KAZN: variants seen among roughly 807,000 people sequenced by gnomAD.
KAZN encodes kazrin.
A neutral mutation model predicts 87.4 loss-of-function variants in KAZN; 40 were observed. That is an observed-to-expected ratio of 0.46 (90% confidence interval 0.36 to 0.60). The LOEUF (loss-of-function observed/expected upper bound fraction) is 0.60, where lower values mean the gene tolerates loss of function less well. KAZN is among the 20% of genes least tolerant of loss of function. KAZN has a pLI of 0.00. For missense variants in KAZN, 898 were observed against 1,073.9 expected (o/e 0.84, Z 2.29); for synonymous variants, 466 against 458.3 (o/e 1.02, Z -0.22).
chr1:14,748,396 G>A (rs1057475167), intron 1 of KAZN, among the ~76,000 whole-genome samples: 5 of 152,104 alleles, frequency 3.3e-5, no homozygotes, highest in Non-Finnish European at 5.9e-5. Context: ...TCATGACCTG[G>A]GTTAAGCCAC....
intron 2 of KAZN, among the ~76,000 whole-genome samples, chr1:15,017,161 G>C (rs529576303): frequency 2.0e-5 from 3 of 151,958 alleles, no homozygotes; most frequent in East Asian, 3.9e-4. Flanking sequence ...AGCCAGGCTT[G>C]GTGGCTCGCA....
chr1:14,754,443 G>A (rs1161304629), intron 1 of KAZN, among the ~76,000 whole-genome samples: 1 of 151,986 alleles, frequency 6.6e-6, no homozygotes, highest in Non-Finnish European at 1.5e-5. Flanking sequence ...GACCAGCCTG[G>A]CCAACATGAA....
At chr1:14,875,464 G>T (rs183652135) in intron 1 of KAZN, among the ~76,000 whole-genome samples, 1 of 145,192 alleles carries the variant, frequency 6.9e-6, no homozygotes, top group Non-Finnish European at 1.5e-5. Flanking sequence ...TCCCTGCCTT[G>T]CATTGTCCTT....
At chr1:14,263,504 T>A (rs1651239709) in intron 2 of KAZN, among the ~76,000 whole-genome samples, 1 of 152,202 alleles carries the variant, frequency 6.6e-6, no homozygotes, top group Non-Finnish European at 1.5e-5. Context: ...CTAATATGAC[T>A]CTGGCAACCC....
intron 1 of KAZN, among the ~76,000 whole-genome samples, chr1:14,027,486 C>A (rs992356610): frequency 4.0e-5 from 6 of 151,838 alleles, no homozygotes; most frequent in African/African-American, 1.5e-4. Context: ...CCGGCTTCTG[C>A]CCCCCCGCCA....
intron 3 of KAZN, among the ~76,000 whole-genome samples, chr1:15,041,743 C>A (rs1293130408): frequency 6.6e-6 from 1 of 152,060 alleles, no homozygotes. Context: ...CCAAATCCCA[C>A]CCTCAGAAAT....
chr1:14,990,703 G>A (rs1667265699), intron 2 of KAZN, among the ~76,000 whole-genome samples: 1 of 151,456 alleles, frequency 6.6e-6, no homozygotes, highest in African/African-American at 2.4e-5. Context: ...CCCTGCTCTG[G>A]AGCACGCCAG....
intron 1 of KAZN, among the ~76,000 whole-genome samples, chr1:14,872,240 T>A (rs1015907106): frequency 6.6e-6 from 1 of 152,202 alleles, no homozygotes; most frequent in Admixed American, 6.5e-5. Context: ...TGGGATATAA[T>A]AAACTACTAC....
intron 2 of KAZN, among the ~76,000 whole-genome samples, chr1:14,536,128 C>T (rs1018849668): frequency 5.3e-5 from 8 of 152,164 alleles, no homozygotes; most frequent in African/African-American, 1.4e-4. Context: ...CAACCCAATC[C>T]GGGCATGAGT....
At chr1:14,912,057 C>T (rs2101397118) in intron 1 of KAZN, among the ~76,000 whole-genome samples, 1 of 143,704 alleles carries the variant, frequency 7.0e-6, no homozygotes, top group African/African-American at 2.6e-5. Flanking sequence ...GAGGCTGAGG[C>T]AGGAGAATCA....
intron 1 of KAZN, among the ~76,000 whole-genome samples, chr1:14,156,913 T>TCTTTTTTTTTTTTTC (rs59467186): frequency 7.0e-6 from 1 of 143,122 alleles, no homozygotes; most frequent in African/African-American, 2.5e-5. Flanking sequence ...GTCTTTTGTT[T>TCTTTTTTTTTTTTTC]TTTTTTTTTT....
At chr1:14,604,300 A>G (rs1445759343) in intron 1 of KAZN, among the ~76,000 whole-genome samples, 2 of 152,192 alleles carry the variant, frequency 1.3e-5, no homozygotes, top group Non-Finnish European at 2.9e-5. Context: ...TCCCGAAGCC[A>G]ACAGGGTGGC....
intron 2 of KAZN, among the ~76,000 whole-genome samples, chr1:14,253,869 C>A (rs1343679825): frequency 1.3e-5 from 2 of 148,820 alleles, no homozygotes; most frequent in Admixed American, 1.4e-4. Flanking sequence ...TGAGCTCCTG[C>A]AGTCATTATC....
At chr1:14,343,155 C>T (rs1296132173) in intron 2 of KAZN, among the ~76,000 whole-genome samples, 1 of 152,030 alleles carries the variant, frequency 6.6e-6, no homozygotes, top group African/African-American at 2.4e-5. Flanking sequence ...TCAAAACAAA[C>T]AAACAAACAA....
intron 1 of KAZN, among the ~76,000 whole-genome samples, chr1:14,864,816 T>C (rs1165344919): frequency 6.6e-6 from 1 of 151,952 alleles, no homozygotes; most frequent in Non-Finnish European, 1.5e-5. Flanking sequence ...GGCTATCACT[T>C]CCCCTCTCAG....
At chr1:14,928,384 G>A (rs1659407484) in intron 1 of KAZN, among the ~76,000 whole-genome samples, 1 of 151,690 alleles carries the variant, frequency 6.6e-6, no homozygotes, top group Non-Finnish European at 1.5e-5. Flanking sequence ...GGGAGGCGGA[G>A]CTTGCAGTGA....
intron 2 of KAZN, among the ~76,000 whole-genome samples, chr1:14,403,083 C>T (rs1173942600): frequency 6.6e-6 from 1 of 152,174 alleles, no homozygotes; most frequent in Non-Finnish European, 1.5e-5. Context: ...CCCTTGGCCT[C>T]CCAAAGTGCT....
At chr1:14,422,708 C>T (rs1410993633) in intron 2 of KAZN, among the ~76,000 whole-genome samples, 3 of 152,216 alleles carry the variant, frequency 2.0e-5, no homozygotes, top group East Asian at 1.9e-4. Context: ...TAGAAAGGCT[C>T]ATCCCTGGTA....
At chr1:14,052,130 C>T (rs1183953507) in intron 1 of KAZN, among the ~76,000 whole-genome samples, 2 of 152,208 alleles carry the variant, frequency 1.3e-5, no homozygotes, top group Non-Finnish European at 2.9e-5. Context: ...CTGACACCAT[C>T]ACTGGCACCC....
Sources: gnomAD v4.1 joint callset for allele counts (sites outside exome capture counted in the v4.1 genomes callset) on GRCh38, gnomAD v4.1.1 for gene constraint, MANE v1.5 for transcripts, NCBI Gene and HGNC (gene_info 2026-07-23, HGNC 2026-07-21) for gene names.